KALRN: variants seen among roughly 807,000 people sequenced by gnomAD.
KALRN encodes kalirin RhoGEF kinase, also known as kalirin.
In KALRN, 70 loss-of-function variants were observed where a neutral mutation model predicts 353.7. The observed-to-expected ratio is 0.20, with a 90% CI of 0.16 to 0.24. The LOEUF (loss-of-function observed/expected upper bound fraction) is 0.24, where lower values mean the gene tolerates loss of function less well. Among genes scored for constraint, KALRN ranks in the 10% least tolerant of loss-of-function variants. The pLI is 1.00. For synonymous variants in KALRN, 1,391 were observed against 1,434.8 expected, an observed-to-expected ratio of 0.97 and a Z score of 0.69; for missense variants, 2,791 against 3,756.7, an observed-to-expected ratio of 0.74 and a Z score of 6.72.
At chr3:124,463,425 A>G (rs1259209350) in intron 25 of KALRN, among the ~76,000 whole-genome samples, 2 of 152,194 alleles carry the variant, frequency 1.3e-5, no homozygotes, top group African/African-American at 2.4e-5. Flanking sequence ...TAGAAGGGCC[A>G]TGTGTACAGG....
At chr3:124,121,893 C>G (rs548339576) in intron 1 of KALRN, among the ~76,000 whole-genome samples, 1 of 152,316 alleles carries the variant, frequency 6.6e-6, no homozygotes, top group Admixed American at 6.5e-5. Context: ...GAAAAAAGGA[C>G]AGGATACTGT....
At chr3:124,061,830 A>G (rs1160266115) in intron 1 of KALRN, among the ~76,000 whole-genome samples, 1 of 152,184 alleles carries the variant, frequency 6.6e-6, no homozygotes, top group Admixed American at 6.5e-5. Flanking sequence ...TAGCGAGTCC[A>G]TACAGTCCAC....
At chr3:124,475,074 A>T (rs570295488) in intron 26 of KALRN, among the ~76,000 whole-genome samples, 52 of 152,242 alleles carry the variant, frequency 3.4e-4, no homozygotes, top group African/African-American at 4.8e-4. Flanking sequence ...TTTAAAAAAA[A>T]TTTTTTATCT....
At chr3:124,148,152 G>A (rs1201649378) in intron 1 of KALRN, among the ~76,000 whole-genome samples, 1 of 152,146 alleles carries the variant, frequency 6.6e-6, no homozygotes, top group South Asian at 2.1e-4. Flanking sequence ...CCCCTCTACT[G>A]GTTGTGTTTA....
intron 1 of KALRN, among the ~76,000 whole-genome samples, chr3:124,187,107 G>C (rs2074325371): frequency 6.6e-6 from 1 of 152,118 alleles, no homozygotes; most frequent in Admixed American, 6.6e-5. Context: ...TTGAGAAAGA[G>C]ACTCACTCTG....
intron 34 of KALRN, among the ~76,000 whole-genome samples, chr3:124,578,322 G>C (rs532822747): frequency 1.3e-5 from 2 of 152,186 alleles, no homozygotes; most frequent in African/African-American, 4.8e-5. Flanking sequence ...TGGGAATATT[G>C]ATTAGCCATC....
At chr3:124,696,008 C>T in intron 53 of KALRN, 126 bp from the exon 54 acceptor site, 1 of 929,018 alleles carries the variant, frequency 1.1e-6, no homozygotes, top group African/African-American at 1.7e-5. Context: ...AGCTCACAGA[C>T]CAGGGACTGA....
chr3:124,079,927 C>T, intron 1 of KALRN: 1 of 354,422 alleles, frequency 2.8e-6, no homozygotes, highest in Non-Finnish European at 6.2e-6. Flanking sequence ...TTTGTTTCCC[C>T]ATAATCTTTT....
At chr3:124,046,993 T>TG (rs1223522660) in intron 1 of KALRN, among the ~76,000 whole-genome samples, 1 of 151,814 alleles carries the variant, frequency 6.6e-6, no homozygotes, top group Non-Finnish European at 1.5e-5. Flanking sequence ...CTTTTTTTTT[T>TG]TTTTTTTTCT....
At chr3:124,380,172 T>G (rs907826570) in intron 10 of KALRN, among the ~76,000 whole-genome samples, 3 of 152,182 alleles carry the variant, frequency 2.0e-5, no homozygotes, top group Admixed American at 1.3e-4. Flanking sequence ...TTTTATTCAC[T>G]GTCTCTCCCA....
chr3:124,197,333 G>C (rs1236212613), intron 1 of KALRN, among the ~76,000 whole-genome samples: 1 of 152,198 alleles, frequency 6.6e-6, no homozygotes, highest in Non-Finnish European at 1.5e-5. Context: ...CATTATTCAA[G>C]AGCAGCCCTC....
chr3:124,378,854 C>A (rs1180288131), intron 10 of KALRN, among the ~76,000 whole-genome samples: 1 of 151,574 alleles, frequency 6.6e-6, no homozygotes, highest in Admixed American at 6.6e-5. Context: ...TCTTTTCTTT[C>A]CCTTTTTTGC....
chr3:124,481,084 C>T (rs564347910), intron 27 of KALRN, among the ~76,000 whole-genome samples: 13 of 152,260 alleles, frequency 8.5e-5, no homozygotes, highest in African/African-American at 2.6e-4. Context: ...GCAATAGCCT[C>T]ATAACTTGTC....
intron 5 of KALRN, among the ~76,000 whole-genome samples, chr3:124,286,958 C>A (rs1466537067): frequency 6.6e-6 from 1 of 152,098 alleles, no homozygotes; most frequent in African/African-American, 2.4e-5. Context: ...CCCTAAATAT[C>A]TTAAAGTCTT....
chr3:124,491,334 G>A lies in KALRN; in HGVS notation c.4599G>A (p.Leu1533=). The change falls in exon 31 of 60, where the codon CTG becomes CTA. Residue 1533 remains leucine, a synonymous_variant. Transcript: ENST00000682506. The part of the protein sequence containing the change: ...VYKNKLLTSE[L]GVTEHVEGDP... Reference sequence around the variant, plus strand: ...TTTCCTGTCTACAGACCTCAGAGCTGGGTGTGACCGAGCACGTGGAGGGCG... The same window carrying A: ...TTTCCTGTCTACAGACCTCAGAGCTAGGTGTGACCGAGCACGTGGAGGGCG... 6.2e-7 allele frequency: 1 copy of A among 1,605,202 alleles called. No homozygotes were observed. The highest frequency in any genetic ancestry group is 2.2e-5 in the East Asian group (1 of 44,510).
chr3:124,287,032 T>C (rs574610127), intron 5 of KALRN, among the ~76,000 whole-genome samples: 8 of 152,322 alleles, frequency 5.3e-5, no homozygotes, highest in African/African-American at 1.9e-4. Flanking sequence ...GTTTAGACTT[T>C]GGTATGGTAG....
chr3:124,294,881 C>A (rs2076726649), intron 5 of KALRN, among the ~76,000 whole-genome samples: 1 of 152,168 alleles, frequency 6.6e-6, no homozygotes, highest in South Asian at 2.1e-4. Context: ...GGATGCTTGC[C>A]TCCATTCTGC....
At position 124,334,065 on chromosome 3, in the gene KALRN, A is replaced by AGG. The variant is rs2080877455; in HGVS notation, c.1417-197_1417-196dup. The stretch of plus-strand genomic sequence containing the variant: ...CCAGCACTCCAGCAACTCCCACATC[A>AGG]GGGGATTCCAGCTGCTCTGCCCTCC... On this transcript the variant is annotated intron_variant, in intron 8 of 59. Coordinates refer to ENST00000682506, the MANE Select transcript of KALRN (RefSeq NM_001388419.1). This position sits in a 1 kb window ranked among gnomAD's most constrained non-coding sequence, Gnocchi z 4.2. 6.6e-6 allele frequency among the ~76,000 whole-genome samples: 1 copy of AGG among 152,166 alleles called. No individual in the cohort carries two copies. The highest frequency in any genetic ancestry group is 2.4e-5 in the African/African-American group (1 of 41,444).
At chr3:124,687,349 T>C (rs1394094460) in intron 51 of KALRN, among the ~76,000 whole-genome samples, 8 of 152,114 alleles carry the variant, frequency 5.3e-5, no homozygotes, top group Admixed American at 5.2e-4. Context: ...TCCAGTCCCT[T>C]CCTAACTGAC....
Sources: gnomAD v4.1 joint callset for allele counts (sites outside exome capture counted in the v4.1 genomes callset) on GRCh38, gnomAD v4.1.1 for gene constraint, Gnocchi (gnomAD v3.1) non-coding constraint, MANE v1.5 for transcripts, NCBI Gene and HGNC (gene_info 2026-07-23, HGNC 2026-07-21) for gene names.